The following EMILIN2 variants were observed in gnomAD, a reference collection of about 807,000 sequenced individuals.
EMILIN2 encodes EMILIN-2.
EMILIN2 carries 71 observed loss-of-function variants against 87.1 expected under a neutral mutation model. The observed-to-expected ratio is 0.82, with a 90% CI of 0.67 to 0.99. The LOEUF (loss-of-function observed/expected upper bound fraction) is 0.99. Ranked by LOEUF, EMILIN2 falls within the 50% of genes least tolerant of loss-of-function variation. The probability of loss-of-function intolerance (pLI) is 0.00; values close to 1 mark genes in which losing one functional copy is unlikely to be tolerated. For synonymous variants in EMILIN2, 581 were observed against 563.4 expected (o/e 1.03, Z -0.44); for missense variants, 1,407 against 1,371.8 (o/e 1.03, Z -0.40).
chr18:2,851,488 TAGAG>T (rs1555664748), intron 2 of EMILIN2, among the ~76,000 whole-genome samples: 1 of 151,980 alleles, frequency 6.6e-6, no homozygotes, highest in Non-Finnish European at 1.5e-5. Context: ...AAAGTAGCCA[TAGAG>T]AGAGTGCTCC....
At chr18:2,846,456 C>T (rs2076573752), upstream of EMILIN2, among the ~76,000 whole-genome samples, 1 of 152,204 alleles carries the variant, frequency 6.6e-6, no homozygotes, top group Admixed American at 6.5e-5. This position sits in a 1 kb window ranked among gnomAD's most constrained non-coding sequence, Gnocchi z 5.3. Context: ...TCCTGCCGCC[C>T]CCCGCGTGGC....
rs1393935607 is a variant in EMILIN2, at chr18:2,891,189, G to A, written c.1062G>A (p.Gln354=). Residue 354 remains glutamine (Q), a synonymous_variant, in exon 4 of 8, where the codon CAG becomes CAA. Coordinates refer to ENST00000254528, the MANE Select transcript of EMILIN2 (RefSeq NM_032048.3). This position sits in a 1 kb window ranked among gnomAD's most constrained non-coding sequence, Gnocchi z 4.6. ...ACAAGCTCACTGGCCTCCAGCAGCA[G>A]TGTGATGACTATGGGAGCAGCTACC... ...CEYKLTGLQQ[Q]CDDYGSSYLG... is the part of the protein sequence containing the mutation. The A allele has an allele frequency of 1.2e-6, 2 of 1,614,242 alleles. No individual in the cohort carries two copies.
chr18:2,857,385 A>G (rs796919274), intron 2 of EMILIN2, among the ~76,000 whole-genome samples: 12 of 152,306 alleles, frequency 7.9e-5, no homozygotes, highest in African/African-American at 2.9e-4. Context: ...CCATCAGAAG[A>G]CAAGGCACAA....
chr18:2,849,029 A>G (rs1334836240), intron 2 of EMILIN2, among the ~76,000 whole-genome samples: 2 of 152,248 alleles, frequency 1.3e-5, no homozygotes, highest in Admixed American at 1.3e-4. Context: ...TAAAACAAAC[A>G]GAAACTTAGA....
chr18:2,913,381 T>C lies in EMILIN2; in HGVS notation c.3139T>C (p.Tyr1047His), dbSNP rs140753415. Reference sequence around the variant, plus strand: ...CTCCACATTTAGTGGGGTTTTCTTATATCCTTTCCTTTCCCACCTCTAAGG... The same window carrying C: ...CTCCACATTTAGTGGGGTTTTCTTACATCCTTTCCTTTCCCACCTCTAAGG... ...MYSTFSGVFL[Y>H]PFLSHL The change falls in exon 8 of 8, where the codon TAT (tyrosine) becomes CAT (histidine). Residue 1047 changes from tyrosine (Y) to histidine (H), a missense_variant. Tyr to His is a moderately conservative substitution (Grantham distance 83, BLOSUM62 2). Coordinates refer to ENST00000254528, the MANE Select transcript of EMILIN2 (RefSeq NM_032048.3). 33 of 1,604,288 alleles carry C rather than the reference T, an allele frequency of 2.1e-5. No individual in the cohort carries two copies. The Middle Eastern group carries it at 6.6e-4, about 32-fold the overall frequency.
chr18:2,860,993 A>G (rs1040998336), intron 2 of EMILIN2, among the ~76,000 whole-genome samples: 3 of 152,154 alleles, frequency 2.0e-5, no homozygotes, highest in African/African-American at 4.8e-5. Flanking sequence ...GCCAGTGATG[A>G]TGAGCATTTT....
rs2076867882 is a variant in EMILIN2, at chr18:2,897,265, G to A, written c.2359+4779G>A. ...TTGAAATCCCTGCTCATCCATGCTT[G>A]TAAACAGTGGAGGATTAACTAATGT... is the stretch of plus-strand genomic sequence containing the variant. On this transcript the variant is annotated intron_variant, in intron 4 of 7. Coordinates refer to ENST00000254528, the MANE Select transcript of EMILIN2 (RefSeq NM_032048.3). Among the ~76,000 whole-genome samples, 3 of 152,308 alleles carry A rather than the reference G, an allele frequency of 2.0e-5. No homozygotes were observed. In the South Asian group the frequency reaches 6.2e-4, roughly 32 times the overall value.
At chr18:2,864,017 G>A (rs1403065536) in intron 2 of EMILIN2, among the ~76,000 whole-genome samples, 1 of 152,094 alleles carries the variant, frequency 6.6e-6, no homozygotes, top group Non-Finnish European at 1.5e-5. Flanking sequence ...TTTAAAGTCT[G>A]TTTTATCAGA....
At position 2,891,965 on chromosome 18, in the gene EMILIN2, C is replaced by T. The variant is rs149169450; in HGVS notation, c.1838C>T (p.Ser613Phe). 32 of 1,614,178 alleles carry T rather than the reference C, an allele frequency of 2.0e-5. 1 individual carries two copies. The African/African-American group carries it at 4.0e-4, about 20-fold the overall frequency. Residue 613 changes from serine (S) to phenylalanine (F), a missense_variant, in exon 4 of 8, where the codon TCT (serine) becomes TTT (phenylalanine). Transcript: ENST00000254528. This position sits in a 1 kb window ranked among gnomAD's most constrained non-coding sequence, Gnocchi z 4.6. ...KLQQDFSFLY[S>F]QLNHTENDVT... is the part of the protein sequence containing the mutation. ...CAACAGGATTTTAGTTTTCTTTATT[C>T]TCAATTAAACCACACAGAAAATGAT... is the stretch of plus-strand genomic sequence containing the variant.
chr18:2,849,983 G>A (rs555091625), intron 2 of EMILIN2, among the ~76,000 whole-genome samples: 7 of 152,200 alleles, frequency 4.6e-5, no homozygotes, highest in South Asian at 2.1e-4. Context: ...GTGGGGTGCA[G>A]TGGCGTGATC....
chr18:2,911,227 C>T (rs922523781), intron 7 of EMILIN2, among the ~76,000 whole-genome samples: 1 of 152,170 alleles, frequency 6.6e-6, no homozygotes, highest in Non-Finnish European at 1.5e-5. Flanking sequence ...GGGTTGCGTC[C>T]CTTTCCTGAT....
chr18:2,891,050 T>TGA lies in EMILIN2; in HGVS notation c.924_925dup (p.Thr309ArgfsTer18), dbSNP rs780045246. The TGA allele has an allele frequency of 1.2e-6, 2 of 1,614,044 alleles. No homozygotes were observed. Among genetic ancestry groups the TGA allele is most frequent in the African/African-American group, 1.3e-5 (1 of 74,898 alleles). On this transcript the variant is annotated frameshift_variant, in exon 4 of 8. Transcript: ENST00000254528. LOFTEE classifies it high-confidence loss of function. The surrounding 1 kb of genome is among the most constrained non-coding windows in gnomAD (Gnocchi z 4.6). Reference sequence around the variant, plus strand: ...GCAGCTCAGGGCCCGACGGTGACCATGACAACCAACGAACTCTACCAAGCC... The same window carrying TGA: ...GCAGCTCAGGGCCCGACGGTGACCATGAGACAACCAACGAACTCTACCAAGCC...
chr18:2,854,903 G>T (rs560699394), intron 2 of EMILIN2, among the ~76,000 whole-genome samples: 1 of 152,354 alleles, frequency 6.6e-6, no homozygotes, highest in African/African-American at 2.4e-5. Context: ...TCCAGGAACA[G>T]AATAACTTTC....
intron 2 of EMILIN2, among the ~76,000 whole-genome samples, chr18:2,862,725 GCTGGCCT>G (rs2076667350): frequency 6.6e-6 from 1 of 152,170 alleles, no homozygotes; most frequent in South Asian, 2.1e-4. Context: ...TCAGGATGAT[GCTGGCCT>G]CATAAAATAA....
Position 2,890,755 on chromosome 18 carries a change from G to GA in EMILIN2, c.632dup (p.Asn211LysfsTer9). Reference sequence around the variant, plus strand: ...CCAGTCTTCCCTTGCTGGAGTGAGTGAAAATCTCAAACATGCCACTCAGGA... The same window carrying GA: ...CCAGTCTTCCCTTGCTGGAGTGAGTGAAAAATCTCAAACATGCCACTCAGGA... On this transcript the variant is annotated frameshift_variant, in exon 4 of 8. Transcript: ENST00000254528. LOFTEE classifies it high-confidence loss of function. The surrounding 1 kb of genome is among the most constrained non-coding windows in gnomAD (Gnocchi z 4.7). The GA allele has an allele frequency of 1.9e-6, 3 of 1,613,882 alleles. No homozygotes were observed. Among genetic ancestry groups the GA allele is most frequent in the Non-Finnish European group, 2.5e-6 (3 of 1,179,926 alleles).
At chr18:2,877,441 T>G (rs1354869280) in intron 2 of EMILIN2, among the ~76,000 whole-genome samples, 4 of 149,866 alleles carry the variant, frequency 2.7e-5, no homozygotes, top group Admixed American at 6.6e-5. Flanking sequence ...TGACAGTTTT[T>G]TTTTTTTTTT....
Position 2,866,729 on chromosome 18 carries a change from A to G in EMILIN2, c.258-18235A>G, listed in dbSNP as rs566867136. 2.8e-4 allele frequency among the ~76,000 whole-genome samples: 42 copies of G among 152,284 alleles called. 1 individual carries two copies. In the South Asian group the frequency reaches 7.5e-3, roughly 27 times the overall value. On this transcript the variant is annotated intron_variant, in intron 2 of 7. Coordinates refer to ENST00000254528, the MANE Select transcript of EMILIN2 (RefSeq NM_032048.3). ...TGCTCTGGCTAGGACTTCCAGTACTATGTTGAATAGAGAAGTGGTGAGAGT... is the reference window on the plus strand; with the variant it reads ...TGCTCTGGCTAGGACTTCCAGTACTGTGTTGAATAGAGAAGTGGTGAGAGT...
intron 2 of EMILIN2, among the ~76,000 whole-genome samples, chr18:2,875,557 A>T (rs2076743413): frequency 6.6e-6 from 1 of 152,232 alleles, no homozygotes; most frequent in Non-Finnish European, 1.5e-5. Flanking sequence ...TGGTTCAGCC[A>T]TGCCAGTTAG....
chr18:2,892,314 G>C lies in EMILIN2; in HGVS notation c.2187G>C (p.Gly729=). 6.2e-7 allele frequency: 1 copy of C among 1,614,176 alleles called. No homozygotes were observed. ...GAAATCTTCAGAGGATCAAGGAGGG[G>C]CTCAACAAGCATGTCAGCAGCCTGT... ...ISGNLQRIKE[G]LNKHVSSLWN... The change falls in exon 4 of 8, where the codon GGG becomes GGC. Residue 729 remains glycine (G), a synonymous_variant. Coordinates refer to ENST00000254528, the MANE Select transcript of EMILIN2 (RefSeq NM_032048.3).
Sources: gnomAD v4.1 joint callset for allele counts (sites outside exome capture counted in the v4.1 genomes callset) on GRCh38, gnomAD v4.1.1 for gene constraint, Gnocchi (gnomAD v3.1) non-coding constraint, MANE v1.5 for transcripts, NCBI Gene and HGNC (gene_info 2026-07-23, HGNC 2026-07-21) for gene names.